The following AFG2B variants were observed in gnomAD, a reference collection of about 807,000 sequenced individuals.
The protein encoded by AFG2B is AAA ATPase AFG2B, also known as ATPase family gene 2 protein homolog B.
At chr15:45,419,178 TG>T in the AFG2B span, among the ~76,000 whole-genome samples, 1 of 152,214 alleles carries the variant, frequency 6.6e-6, no homozygotes, top group African/African-American at 2.4e-5. Context: ...CTAGGCGTGG[TG>T]GCTCGTGCCT....
chr15:45,403,183 C>T, the AFG2B span: 2 of 1,460,766 alleles, frequency 1.4e-6, no homozygotes, highest in Admixed American at 2.7e-5. Flanking sequence ...CCAGCTGGTG[C>T]GGGCCGTGGC....
chr15:45,402,521 TG>T, the AFG2B span: 10 of 1,603,708 alleles, frequency 6.2e-6, no homozygotes, highest in African/African-American at 1.3e-5. Context: ...CGCTGCCGCC[TG>T]GGCCCGGCCG....
the AFG2B span, chr15:45,414,889 T>C: frequency 1.0e-6 from 1 of 958,470 alleles, no homozygotes; most frequent in South Asian, 1.8e-5. Flanking sequence ...TTAAAAAATT[T>C]ATACGTTTAT....
At chr15:45,403,186 G>T in the AFG2B span, 1 of 1,459,186 alleles carries the variant, frequency 6.9e-7, no homozygotes, top group South Asian at 1.4e-5. Flanking sequence ...GCTGGTGCGG[G>T]CCGTGGCGCG....
chr15:45,410,530 G>A, the AFG2B span: 2 of 1,598,760 alleles, frequency 1.3e-6, no homozygotes, highest in Non-Finnish European at 1.7e-6. Flanking sequence ...AGTTAAAACA[G>A]GTAAGACAGA....
At chr15:45,417,617 G>A in the AFG2B span, 7 of 464,034 alleles carry the variant, frequency 1.5e-5, no homozygotes, top group African/African-American at 1.4e-4. Flanking sequence ...TTTGTGTTGT[G>A]GCAGACTCTA....
chr15:45,412,157 C>T, the AFG2B span, among the ~76,000 whole-genome samples: 1 of 152,066 alleles, frequency 6.6e-6, no homozygotes, highest in Non-Finnish European at 1.5e-5. Context: ...AATCCCAGCA[C>T]TTTGGGAGGC....
the AFG2B span, among the ~76,000 whole-genome samples, chr15:45,404,674 G>A: frequency 6.6e-6 from 1 of 151,908 alleles, no homozygotes; most frequent in East Asian, 1.9e-4. Flanking sequence ...CGGGCATGGT[G>A]GCACATGCCT....
At chr15:45,403,152 G>A in the AFG2B span, 2 of 1,455,406 alleles carry the variant, frequency 1.4e-6, no homozygotes, top group South Asian at 2.8e-5. Context: ...TCCTGGCGGG[G>A]CCCCCCGGAG....
chr15:45,407,436 A>G, the AFG2B span, among the ~76,000 whole-genome samples: 1 of 152,266 alleles, frequency 6.6e-6, no homozygotes, highest in African/African-American at 2.4e-5. Context: ...ATGTGTACAC[A>G]CATGATCTTG....
the AFG2B span, chr15:45,420,985 T>A: frequency 6.4e-7 from 1 of 1,558,110 alleles, no homozygotes; most frequent in Non-Finnish European, 8.7e-7. Flanking sequence ...AGAGCAAAAC[T>A]CCATCTCAAA....
chr15:45,411,267 G>A, the AFG2B span, among the ~76,000 whole-genome samples: 3 of 152,102 alleles, frequency 2.0e-5, no homozygotes, highest in Non-Finnish European at 4.4e-5. Context: ...ATCTCTTGAG[G>A]CCAAGAGTTC....
At chr15:45,414,480 G>A in the AFG2B span, 6 of 1,237,788 alleles carry the variant, frequency 4.8e-6, no homozygotes, top group Non-Finnish European at 6.9e-6. Flanking sequence ...ATAGGAGGCT[G>A]AGAATTGTTA....
At chr15:45,409,758 A>G in the AFG2B span, among the ~76,000 whole-genome samples, 1 of 152,058 alleles carries the variant, frequency 6.6e-6, no homozygotes, top group Admixed American at 6.6e-5. Context: ...CTGTAGTTCT[A>G]GCTACTCCGG....
the AFG2B span, among the ~76,000 whole-genome samples, chr15:45,418,297 T>C: frequency 2.1e-5 from 3 of 145,006 alleles, no homozygotes; most frequent in Non-Finnish European, 4.5e-5. Flanking sequence ...TGAGCCAAGA[T>C]CGTGCCAGTG....
At chr15:45,417,863 C>T in the AFG2B span, 1 of 152,664 alleles carries the variant, frequency 6.6e-6, no homozygotes, top group East Asian at 1.9e-4. Flanking sequence ...CATTTTTTGT[C>T]GTTAACATCC....
the AFG2B span, chr15:45,402,791 G>A: frequency 4.4e-6 from 7 of 1,591,798 alleles, no homozygotes; most frequent in Non-Finnish European, 6.0e-6. Context: ...GAGCGGGCAG[G>A]CGCGCCCGGT....
chr15:45,405,606 T>C, the AFG2B span: 1 of 1,095,864 alleles, frequency 9.1e-7, no homozygotes. Context: ...CTTAGAACAT[T>C]TGATAGCTTC....
chr15:45,405,027 C>A, the AFG2B span, among the ~76,000 whole-genome samples: 5 of 152,044 alleles, frequency 3.3e-5, no homozygotes, highest in Admixed American at 2.6e-4. Flanking sequence ...CATTTCTTAT[C>A]TGAGTGTTGG....
Sources: gnomAD v4.1 joint callset for allele counts (sites outside exome capture counted in the v4.1 genomes callset) on GRCh38, gnomAD v4.1.1 for gene constraint, MANE v1.5 for transcripts, NCBI Gene and HGNC (gene_info 2026-07-23, HGNC 2026-07-21) for gene names.